MYO16: variants seen among roughly 807,000 people sequenced by gnomAD.
MYO16 encodes unconventional myosin-XVI.
Under a neutral mutation model 205.3 loss-of-function variants are expected in MYO16, and 94 were observed. The observed-to-expected ratio is 0.46, with a 90% confidence interval of 0.39 to 0.54. The LOEUF is 0.54. Among genes scored for constraint, MYO16 ranks in the 20% least tolerant of loss-of-function variants. MYO16 has a pLI of 0.00. For missense variants in MYO16, 2,315 were observed against 2,387.5 expected (o/e 0.97, Z 0.63); for synonymous variants, 988 against 954.0 (o/e 1.04, Z -0.66).
At chr13:108,623,809 C>A (rs1324199432) in intron 1 of MYO16, among the ~76,000 whole-genome samples, 1 of 152,014 alleles carries the variant, frequency 6.6e-6, no homozygotes, top group Non-Finnish European at 1.5e-5. Context: ...TAACGAGTTA[C>A]CTACCTAGGA....
Position 108,665,889 on chromosome 13 carries a change from G to T in MYO16, c.32G>T (p.Cys11Phe), listed in dbSNP as rs993210332. ...GCTCCCCTTGCATTTCTTCCAGGTT[G>T]CTTTCAGCTATGTAACGTTTTTCGA... MSHYHFIKCC[C>F]FQLCNVFRSH... The change falls in exon 2 of 35, where the codon TGC becomes TTC. Residue 11 changes from cysteine (C) to phenylalanine (F), a missense_variant. By Grantham distance (205) the Cys-to-Phe change is radical (BLOSUM62 -2). Coordinates refer to ENST00000457511, the MANE Select transcript of MYO16 (RefSeq NM_001198950.3). The T allele has an allele frequency of 6.2e-7, 1 of 1,613,004 alleles. No individual in the cohort carries two copies. The highest frequency in any genetic ancestry group is 8.5e-7 in the Non-Finnish European group (1 of 1,179,242).
Position 109,100,897 on chromosome 13 carries a change from C to T in MYO16, c.3438+10C>T, listed in dbSNP as rs760257284. 1.9e-6 allele frequency: 3 copies of T among 1,602,422 alleles called. No homozygotes were observed. Among genetic ancestry groups the T allele is most frequent in the South Asian group, 1.1e-5 (1 of 90,730 alleles). ...ATTACAAGGCTGGCAGGTTGGTGAC[C>T]TACAAGCTATGAAAATAACATTTTA... On this transcript the variant is annotated intron_variant, in intron 28 of 34. Coordinates refer to ENST00000457511, the MANE Select transcript of MYO16 (RefSeq NM_001198950.3).
chr13:108,531,333 G>A, the MYO16 span, among the ~76,000 whole-genome samples: 388 of 152,304 alleles, frequency 2.5e-3, 2 homozygotes, highest in African/African-American at 8.5e-3. Flanking sequence ...GAAGAACATC[G>A]GGAGGAAGCA....
At chr13:108,913,789 A>G (rs1194686345) in intron 16 of MYO16, among the ~76,000 whole-genome samples, 1 of 152,196 alleles carries the variant, frequency 6.6e-6, no homozygotes, top group East Asian at 1.9e-4. Flanking sequence ...TGAAAACCCA[A>G]CTTAGGTGTA....
chr13:108,755,028 G>T (rs34571831), intron 4 of MYO16, among the ~76,000 whole-genome samples: 23,736 of 152,056 alleles, frequency 0.16, 2,106 homozygotes, highest in Non-Finnish European at 0.21. Flanking sequence ...ATAAAGTTTT[G>T]ATGACAATAA....
At chr13:108,747,925 C>G (rs902563131) in intron 4 of MYO16, among the ~76,000 whole-genome samples, 1 of 151,918 alleles carries the variant, frequency 6.6e-6, no homozygotes, top group Non-Finnish European at 1.5e-5. Context: ...CTTCATTACC[C>G]TTTTTTCAGG....
intron 7 of MYO16, among the ~76,000 whole-genome samples, chr13:108,807,247 A>G (rs1887143598): frequency 6.6e-6 from 1 of 152,192 alleles, no homozygotes; most frequent in African/African-American, 2.4e-5. Flanking sequence ...TGGGGTAACA[A>G]TCACATCTAG....
chr13:108,917,585 A>G (rs1005485958), intron 16 of MYO16, among the ~76,000 whole-genome samples: 15 of 117,778 alleles, frequency 1.3e-4, no homozygotes, highest in South Asian at 2.7e-4. Context: ...CATGAAGCCT[A>G]TAGATGAATA....
chr13:108,804,237 C>G (rs975313412), intron 6 of MYO16, among the ~76,000 whole-genome samples: 2 of 152,222 alleles, frequency 1.3e-5, no homozygotes, highest in Admixed American at 1.3e-4. Context: ...AGAAGCCACT[C>G]TGACCACCTG....
At chr13:109,060,716 G>A (rs277841) in intron 27 of MYO16, among the ~76,000 whole-genome samples, 113,154 of 152,064 alleles carry the variant, frequency 0.74, 42,141 homozygotes, top group East Asian at 0.89. Context: ...GCAAAGGGAG[G>A]GTAGACTTAG....
At chr13:108,972,032 C>T (rs1229975534) in intron 20 of MYO16, among the ~76,000 whole-genome samples, 3 of 149,666 alleles carry the variant, frequency 2.0e-5, no homozygotes, top group Non-Finnish European at 4.4e-5. Context: ...CCATCTCTAC[C>T]CCACCCCCCA....
intron 3 of MYO16, among the ~76,000 whole-genome samples, chr13:108,714,923 C>T (rs908280256): frequency 6.6e-6 from 1 of 152,172 alleles, no homozygotes; most frequent in African/African-American, 2.4e-5. Flanking sequence ...CACCATCCCT[C>T]TTTTCTGGGT....
chr13:109,097,684 C>G (rs1219476229), intron 27 of MYO16, among the ~76,000 whole-genome samples: 1 of 152,138 alleles, frequency 6.6e-6, no homozygotes, highest in African/African-American at 2.4e-5. Flanking sequence ...AATGAGCCAC[C>G]TTTTTCATAT....
At chr13:108,551,195 C>T in the MYO16 span, among the ~76,000 whole-genome samples, 5 of 152,124 alleles carry the variant, frequency 3.3e-5, no homozygotes, top group African/African-American at 7.2e-5. Flanking sequence ...CTTCTTGTGC[C>T]GTTGGCTACA....
intron 3 of MYO16, among the ~76,000 whole-genome samples, chr13:108,724,691 A>G (rs12429071): frequency 1.3e-5 from 2 of 151,944 alleles, no homozygotes; most frequent in African/African-American, 4.8e-5. Flanking sequence ...TAGGATACAT[A>G]TTTGACATAA....
At chr13:108,610,103 C>T (rs1879117128) in intron 1 of MYO16, among the ~76,000 whole-genome samples, 1 of 152,180 alleles carries the variant, frequency 6.6e-6, no homozygotes, top group Admixed American at 6.5e-5. Context: ...TCCAGGCTTA[C>T]TCTTTCTTCA....
chr13:108,880,346 T>G (rs534318869), intron 12 of MYO16, among the ~76,000 whole-genome samples: 2 of 152,374 alleles, frequency 1.3e-5, no homozygotes, highest in South Asian at 4.1e-4. Flanking sequence ...TCTTTTGCTG[T>G]GCAGAAGCTC....
intron 20 of MYO16, among the ~76,000 whole-genome samples, chr13:108,967,908 T>C (rs566845834): frequency 4.1e-4 from 62 of 152,330 alleles, no homozygotes; most frequent in Non-Finnish European, 6.8e-4. Flanking sequence ...GCCCTTCCTG[T>C]GGAGAAACTC....
chr13:108,784,177 A>T (rs904409181), intron 4 of MYO16, among the ~76,000 whole-genome samples: 1 of 152,206 alleles, frequency 6.6e-6, no homozygotes, highest in African/African-American at 2.4e-5. Flanking sequence ...CAGCTTGGAG[A>T]CTAAAGGAAA....
Sources: gnomAD v4.1 joint callset for allele counts (sites outside exome capture counted in the v4.1 genomes callset) on GRCh38, gnomAD v4.1.1 for gene constraint, MANE v1.5 for transcripts, NCBI Gene and HGNC (gene_info 2026-07-23, HGNC 2026-07-21) for gene names.